APEH: variants seen among roughly 807,000 people sequenced by gnomAD.
APEH encodes the protein acylaminoacyl-peptide hydrolase, also known as acylamino-acid-releasing enzyme.
Under a neutral mutation model 102.7 loss-of-function variants are expected in APEH, and 75 were observed. That is an observed-to-expected ratio of 0.73 (90% CI 0.61 to 0.89). The LOEUF is 0.89. Ranked by LOEUF, APEH falls within the 40% of genes least tolerant of loss-of-function variation. APEH has a pLI of 0.00. For missense variants in APEH, 863 were observed against 941.2 expected, an observed-to-expected ratio of 0.92 and a Z score of 1.09; for synonymous variants, 344 against 362.7, an observed-to-expected ratio of 0.95 and a Z score of 0.59.
Position 49,683,628 on chromosome 3 carries a change from G to A in APEH, c.*286G>A, listed in dbSNP as rs978758027. ...CTTCATCTGCCTCCAGTGTGAGAAG[G>A]GAGGGAACAGTGAGAGGCTTAGCCT... On this transcript the variant is annotated 3_prime_UTR_variant, in exon 22 of 22. Transcript: ENST00000296456. 2 of 487,750 alleles carry A rather than the reference G, an allele frequency of 4.1e-6. No individual in the cohort carries two copies. Among genetic ancestry groups the A allele is most frequent in the South Asian group, 2.1e-5 (1 of 47,270 alleles). 30.2% of individuals were successfully genotyped at this position (487,750 alleles called of 1,614,324 possible).
chr3:49,677,593 T>C lies in APEH; in HGVS notation c.1020T>C (p.Val340=), dbSNP rs2053120560. 1 of 1,613,874 alleles carries C rather than the reference T, an allele frequency of 6.2e-7. No individual in the cohort carries two copies. Among genetic ancestry groups the C allele is most frequent in the Admixed American group, 1.7e-5 (1 of 59,996 alleles). ...TGCAGTATGACTGGTATACCAAGGT[T>C]ACCTCAGTGGTGGTAGATGTTGTGC... ...QLCLYDWYTK[V]TSVVVDVVPR... Residue 340 remains valine (V), a synonymous_variant, in exon 11 of 22, where the codon GTT becomes GTC. Coordinates refer to ENST00000296456, the MANE Select transcript of APEH (RefSeq NM_001640.4).
At chr3:49,678,667 C>T (rs1373543696) in intron 11 of APEH, among the ~76,000 whole-genome samples, 185 bp from the exon 12 acceptor site, 4 of 152,152 alleles carry the variant, frequency 2.6e-5, no homozygotes, top group African/African-American at 9.7e-5. Flanking sequence ...GGCCTCTGCC[C>T]CTCAGCCACC....
chr3:49,675,641 C>G lies in APEH; in HGVS notation c.273-53C>G, dbSNP rs1176666516. ...CCTAAGAGGTGTGCCCAGTAGGGAG[C>G]AGGAAGGGGTTATTGCAAGATAATC... On this transcript the variant is annotated intron_variant, in intron 3 of 21. Coordinates refer to ENST00000296456, the MANE Select transcript of APEH (RefSeq NM_001640.4). 1.5e-5 allele frequency: 23 copies of G among 1,507,790 alleles called. No individual in the cohort carries two copies. In the Admixed American group the frequency reaches 3.7e-4, roughly 24 times the overall value. 93.4% of individuals were successfully genotyped at this position (1,507,790 alleles called of 1,614,324 possible).
In APEH at chr3:49,676,662, G is replaced by A. The variant is rs1348554431; in HGVS notation, c.798G>A (p.Glu266=). The change falls in exon 8 of 22, where the codon GAG becomes GAA. Residue 266 remains glutamate (E), a synonymous_variant. Coordinates refer to ENST00000296456, the MANE Select transcript of APEH (RefSeq NM_001640.4). ...AGVVFVGWWH[E]PFRLGIRFCT... is the part of the protein sequence containing the mutation. ...TGGTGTTTGTGGGCTGGTGGCATGA[G>A]CCCTTCCGGTTGGGCATCCGCTTTT... 1.2e-6 allele frequency: 2 copies of A among 1,614,268 alleles called. No individual in the cohort carries two copies. Among genetic ancestry groups the A allele is most frequent in the South Asian group, 1.1e-5 (1 of 91,090 alleles).
Position 49,678,849 on chromosome 3 carries a change from C to T in APEH, c.1061-3C>T. 6.2e-7 allele frequency: 1 copy of T among 1,611,250 alleles called. No individual in the cohort carries two copies. The highest frequency in any genetic ancestry group is 8.5e-7 in the Non-Finnish European group (1 of 1,177,608). ...TGCAGCCTCAGCCCTCCTATCTTTA[C>T]AGAGAACTTCTCTGGGATCTACTGC... is the stretch of plus-strand genomic sequence containing the variant. On this transcript the variant is annotated splice_polypyrimidine_tract_variant and splice_region_variant and intron_variant, in intron 11 of 21. Coordinates refer to ENST00000296456, the MANE Select transcript of APEH (RefSeq NM_001640.4).
In APEH at chr3:49,676,158, T is replaced by G. The variant is rs780876657; in HGVS notation, c.545T>G (p.Leu182Trp). 6.2e-7 allele frequency: 1 copy of G among 1,614,190 alleles called. No individual in the cohort carries two copies. The highest frequency in any genetic ancestry group is 8.5e-7 in the Non-Finnish European group (1 of 1,180,044). ...KAESFFQTKA[L>W]DVSASDDEIA... ...GAGTCCTTCTTTCAGACCAAAGCCT[T>G]GGACGTCAGTGCCAGCGATGATGAG... is the stretch of plus-strand genomic sequence containing the variant. Residue 182 changes from leucine (L) to tryptophan (W), a missense_variant, in exon 6 of 22, where the codon TTG (leucine) becomes TGG (tryptophan). Transcript: ENST00000296456.
At position 49,677,425 on chromosome 3, in the gene APEH, C is replaced by T. The variant is rs1401254929; in HGVS notation, c.1000-148C>T. 3 of 766,546 alleles carry T rather than the reference C, an allele frequency of 3.9e-6. No individual in the cohort carries two copies. In the East Asian group the frequency reaches 7.6e-5, roughly 19 times the overall value. 47.5% of individuals were successfully genotyped at this position (766,546 alleles called of 1,614,324 possible). A position where few individuals can be genotyped will look rare whatever the true frequency, so the allele number is the denominator to read the frequency against. On this transcript the variant is annotated intron_variant, in intron 10 of 21. Coordinates refer to ENST00000296456, the MANE Select transcript of APEH (RefSeq NM_001640.4). Reference sequence around the variant, plus strand: ...TCTGAGGCCCCTTGGGCATCTGGTCCAGGTCACCAGAAAAGAGATACATCA... The same window carrying T: ...TCTGAGGCCCCTTGGGCATCTGGTCTAGGTCACCAGAAAAGAGATACATCA...
At position 49,676,499 on chromosome 3, in the gene APEH, A is replaced by G. The variant is rs1375426108; in HGVS notation, c.728A>G (p.Asn243Ser). 3 of 1,614,188 alleles carry G rather than the reference A, an allele frequency of 1.9e-6. No homozygotes were observed. The East Asian group carries it at 6.7e-5, about 36-fold the overall frequency. ...TCTGTGCTTGAGGGGGTCCCTGAGAATGTGTCCCCTGGACAGGTCAGCAGC... is the reference window on the plus strand; with the variant it reads ...TCTGTGCTTGAGGGGGTCCCTGAGAGTGTGTCCCCTGGACAGGTCAGCAGC... ...NISVLEGVPE[N>S]VSPGQAFWAP... The change falls in exon 7 of 22, where the codon AAT becomes AGT. Residue 243 changes from asparagine to serine, a missense_variant. Transcript: ENST00000296456.
At position 49,674,620 on chromosome 3, in the gene APEH, T is replaced by A. The variant is rs759711061; in HGVS notation, c.144T>A (p.Thr48=). The change falls in exon 2 of 22, where the codon ACT becomes ACA. Residue 48 remains threonine, a splice_region_variant and synonymous_variant. Transcript: ENST00000296456. ...QYGGQYRTVH[T]EWTQRDLERM... is the part of the protein sequence containing the mutation. ...GCGGCCAATACCGGACGGTGCACAC[T>A]GGTGTGTGTGCGAAGGGGAACTGGC... is the stretch of plus-strand genomic sequence containing the variant. 1 of 1,586,012 alleles carries A rather than the reference T, an allele frequency of 6.3e-7. No individual in the cohort carries two copies. The highest frequency in any genetic ancestry group is 8.5e-7 in the Non-Finnish European group (1 of 1,175,596).
At chr3:49,682,483 G>C in intron 18 of APEH, 47 bp downstream of exon 18, 1 of 1,612,362 alleles carries the variant, frequency 6.2e-7, no homozygotes, top group African/African-American at 1.3e-5. Flanking sequence ...TGGGCTGCCA[G>C]GGGGATGCCT....
chr3:49,675,277 A>ACC lies in APEH; in HGVS notation c.241_242dup (p.Ala82LeufsTer13), dbSNP rs747239559. On this transcript the variant is annotated frameshift_variant, in exon 3 of 22. Transcript: ENST00000296456. LOFTEE classifies it high-confidence loss of function. ...ACGGGGACTCAGTGGTGTTTGCAGG[A>ACC]CCTGCAGGCAACAGTGTGGAGACCC... 1 of 1,614,000 alleles carries ACC rather than the reference A, an allele frequency of 6.2e-7. No individual in the cohort carries two copies. Among genetic ancestry groups the ACC allele is most frequent in the Non-Finnish European group, 8.5e-7 (1 of 1,179,984 alleles).
chr3:49,676,278 C>T lies in APEH; in HGVS notation c.606+59C>T. ...GCAGCCCTGGGGCTCAGTGTGCTCC[C>T]TTCCCATACTGTGCCTGTCAGACCT... is the stretch of plus-strand genomic sequence containing the variant. On this transcript the variant is annotated intron_variant, in intron 6 of 21. Transcript: ENST00000296456. 5 of 1,611,222 alleles carry T rather than the reference C, an allele frequency of 3.1e-6. No homozygotes were observed. The East Asian group carries it at 1.1e-4, about 36-fold the overall frequency.
upstream of APEH, chr3:49,674,302 A>G: frequency 7.0e-7 from 1 of 1,421,816 alleles, no homozygotes; most frequent in Non-Finnish European, 9.4e-7. Flanking sequence ...GCCGCAGGGC[A>G]GGGGCGGAGA....
chr3:49,676,386 G>A lies in APEH; in HGVS notation c.615G>A (p.Gln205=). The A allele has an allele frequency of 6.2e-7, 1 of 1,614,206 alleles. No individual in the cohort carries two copies. The highest frequency in any genetic ancestry group is 8.5e-7 in the Non-Finnish European group (1 of 1,180,036). ...KKPDQAIKGD[Q]FVFYEDWGEN... ...GTATCTTGTGTTCTCAGGGGGATCA[G>A]TTTGTGTTTTATGAAGACTGGGGAG... Residue 205 remains glutamine, a synonymous_variant, in exon 7 of 22, where the codon CAG becomes CAA. Transcript: ENST00000296456.
intron 8 of APEH, 24 bp downstream of exon 8, chr3:49,676,724 G>A: frequency 1.2e-6 from 2 of 1,614,192 alleles, no homozygotes; most frequent in South Asian, 2.2e-5. Context: ...GCAAGGCAAG[G>A]GGCCTTGCAG....
In APEH at chr3:49,680,975, T is replaced by C. The variant is rs2053292380; in HGVS notation, c.1300-126T>C. The stretch of plus-strand genomic sequence containing the variant: ...TATACCATCCCACAACAGGAAGCCA[T>C]GCTGTACCTTCTGGAGGTGGGTAGA... On this transcript the variant is annotated intron_variant, in intron 14 of 21. Coordinates refer to ENST00000296456, the MANE Select transcript of APEH (RefSeq NM_001640.4). 5 of 1,256,828 alleles carry C rather than the reference T, an allele frequency of 4.0e-6. No homozygotes were observed. The East Asian group carries it at 9.6e-5, about 24-fold the overall frequency. The allele number at this position is 1,256,828 out of a possible 1,614,324, so 77.9% of individuals were successfully genotyped here.
chr3:49,680,316 A>G, intron 13 of APEH: 1 of 526,460 alleles, frequency 1.9e-6, no homozygotes, highest in East Asian at 3.5e-5. Flanking sequence ...GATGTGTCTT[A>G]AGGTTTGGCA....
chr3:49,674,655 G>T (rs1401313071), intron 2 of APEH, 34 bp downstream of exon 2: 1 of 1,582,314 alleles, frequency 6.3e-7, no homozygotes, highest in South Asian at 1.1e-5. Flanking sequence ...CTGGCGACGG[G>T]GTCGCGCACT....
At chr3:49,683,180 G>A in intron 21 of APEH, 34 bp downstream of exon 21, 1 of 1,611,106 alleles carries the variant, frequency 6.2e-7, no homozygotes, top group African/African-American at 1.3e-5. Flanking sequence ...GCAGCTGGTG[G>A]GCAGGTGAGC....
Sources: gnomAD v4.1 joint callset for allele counts (sites outside exome capture counted in the v4.1 genomes callset) on GRCh38, gnomAD v4.1.1 for gene constraint, MANE v1.5 for transcripts, NCBI Gene and HGNC (gene_info 2026-07-23, HGNC 2026-07-21) for gene names.